PTPN2: variants seen among roughly 807,000 people sequenced by gnomAD.
PTPN2 encodes protein tyrosine phosphatase non-receptor type 2, also known as tyrosine-protein phosphatase non-receptor type 2.
PTPN2 carries 19 observed loss-of-function variants against 57.3 expected under a neutral mutation model. The ratio of observed to expected loss-of-function variants is 0.33; its 90% CI spans 0.23 to 0.49. The LOEUF (loss-of-function observed/expected upper bound fraction) is 0.49. Among genes scored for constraint, PTPN2 ranks in the 20% least tolerant of loss-of-function variants. The pLI is 0.99. For missense variants in PTPN2, 358 were observed against 501.1 expected (o/e 0.71, Z 2.73); for synonymous variants, 153 against 164.9 (o/e 0.93, Z 0.55).
rs1218040727 is a variant in PTPN2, at chr18:12,801,952, T to C, written c.1040+18A>G. 1.9e-6 allele frequency: 3 copies of C among 1,558,278 alleles called. No homozygotes were observed. The African/African-American group carries it at 4.2e-5, about 22-fold the overall frequency. ...TAAAAAAGCCTCATCTTTCAGCCTG[T>C]AGTTATAGAAAGCTTACCTCTCACT... is the stretch of plus-strand genomic sequence containing the variant. On this transcript the variant is annotated intron_variant, in intron 8 of 8. Coordinates refer to ENST00000309660, the MANE Select transcript of PTPN2 (RefSeq NM_002828.4).
intron 9 of PTPN2, chr18:12,786,911 A>G (rs748551682): frequency 6.6e-6 from 1 of 152,198 alleles, no homozygotes; most frequent in Non-Finnish European, 1.5e-5. Flanking sequence ...TGAGCCCACA[A>G]CTACTATGGG....
intron 7 of PTPN2, among the ~76,000 whole-genome samples, chr18:12,812,048 A>AGG (rs2145294807): frequency 6.6e-6 from 1 of 152,360 alleles, no homozygotes; most frequent in African/African-American, 2.4e-5. Context: ...ATTACCAGCT[A>AGG]GAGATCTTAC....
intron 1 of PTPN2, among the ~76,000 whole-genome samples, chr18:12,881,171 A>C (rs139628128): frequency 6.6e-6 from 1 of 152,206 alleles, no homozygotes; most frequent in Admixed American, 6.5e-5. Flanking sequence ...GCAGTGGCTC[A>C]TGCCTGTAAT....
intron 7 of PTPN2, among the ~76,000 whole-genome samples, chr18:12,806,089 A>G (rs2041640027): frequency 6.6e-6 from 1 of 152,170 alleles, no homozygotes; most frequent in Non-Finnish European, 1.5e-5. Context: ...AGACTCTACC[A>G]AAAAACTGTT....
chr18:12,870,355 A>ACG lies in PTPN2; in HGVS notation c.70-11102_70-11101insCG, dbSNP rs1568168897. 8.9e-4 allele frequency among the ~76,000 whole-genome samples: 43 copies of ACG among 48,418 alleles called. 1 individual carries two copies. The highest frequency in any genetic ancestry group is 2.7e-3 in the East Asian group (2 of 732). 31.8% of individuals were successfully genotyped at this position (48,418 alleles called of 152,430 possible). On this transcript the variant is annotated intron_variant, in intron 1 of 8. Coordinates refer to ENST00000309660, the MANE Select transcript of PTPN2 (RefSeq NM_002828.4). The stretch of plus-strand genomic sequence containing the variant: ...TGTATATATATACATATATATGTGT[A>ACG]TATATATGTGTATATATACATATAT...
At chr18:12,806,889 G>A (rs1238076246) in intron 7 of PTPN2, among the ~76,000 whole-genome samples, 1 of 152,068 alleles carries the variant, frequency 6.6e-6, no homozygotes, top group African/African-American at 2.4e-5. Context: ...TCTGGGCAAG[G>A]GAAGGGTCTT....
chr18:12,858,443 C>A (rs1023327183), intron 2 of PTPN2, among the ~76,000 whole-genome samples: 2 of 152,180 alleles, frequency 1.3e-5, no homozygotes, highest in Admixed American at 1.3e-4. Flanking sequence ...TAATTGTTCA[C>A]ACAATTGTGT....
At chr18:12,873,954 G>A (rs1338439459) in intron 1 of PTPN2, among the ~76,000 whole-genome samples, 1 of 151,022 alleles carries the variant, frequency 6.6e-6, no homozygotes, top group Non-Finnish European at 1.5e-5. Context: ...CGTCTGGGAG[G>A]TGAGGAGCGT....
intron 2 of PTPN2, among the ~76,000 whole-genome samples, chr18:12,857,596 C>T (rs1394244191): frequency 6.6e-6 from 1 of 152,174 alleles, no homozygotes. Flanking sequence ...CTCATGGTAA[C>T]ATTAGAGAAT....
rs1266773716 is a variant in PTPN2 at position 12,818,097 on chromosome 18, G to A, written c.496-732C>T. Among the ~76,000 whole-genome samples the A allele has an allele frequency of 4.6e-5, 7 of 152,094 alleles. No individual in the cohort carries two copies. The East Asian group carries it at 5.8e-4, about 13-fold the overall frequency. Reference sequence around the variant, plus strand: ...GTGGAGGTTGCAGTGAGCAGAGATCGTGCCATTGCACGCCAGCTTGGGCAA... The same window carrying A: ...GTGGAGGTTGCAGTGAGCAGAGATCATGCCATTGCACGCCAGCTTGGGCAA... On this transcript the variant is annotated intron_variant, in intron 5 of 8. Transcript: ENST00000309660.
intron 1 of PTPN2, among the ~76,000 whole-genome samples, chr18:12,868,366 T>C (rs1249845138): frequency 6.6e-6 from 1 of 151,928 alleles, no homozygotes; most frequent in African/African-American, 2.4e-5. Context: ...TGAATTCTCC[T>C]GCCTCAGCCT....
At chr18:12,858,954 G>A (rs2043693202) in intron 2 of PTPN2, among the ~76,000 whole-genome samples, 1 of 152,286 alleles carries the variant, frequency 6.6e-6, no homozygotes, top group East Asian at 1.9e-4. Context: ...CAAAATAATG[G>A]TGCCTATGTT....
At position 12,849,626 on chromosome 18, in the gene PTPN2, AAC is replaced by A. The variant is rs201086817; in HGVS notation, c.160+9536_160+9537del. 4.3e-4 allele frequency among the ~76,000 whole-genome samples: 66 copies of A among 152,348 alleles called. No homozygotes were observed. In the East Asian group the frequency reaches 9.8e-3, roughly 23 times the overall value. The stretch of plus-strand genomic sequence containing the variant: ...TAGCTACCCTTACATTCCTGAAATA[AAC>A]TTAATGTGAACATAATGTATTATCT... On this transcript the variant is annotated intron_variant, in intron 2 of 8. Transcript: ENST00000309660.
intron 1 of PTPN2, among the ~76,000 whole-genome samples, chr18:12,870,455 A>G (rs1458424383): frequency 1.6e-5 from 1 of 63,638 alleles, no homozygotes; most frequent in African/African-American, 1.0e-4. Context: ...ATATATATAT[A>G]TATATATAGA....
intron 1 of PTPN2, among the ~76,000 whole-genome samples, chr18:12,866,898 G>A (rs765147837): frequency 1.1e-4 from 16 of 151,940 alleles, no homozygotes; most frequent in East Asian, 1.9e-4. Context: ...CCAGCTACTC[G>A]GGACACTGAG....
chr18:12,814,151 T>C, intron 7 of PTPN2, 52 bp downstream of exon 7: 1 of 1,311,690 alleles, frequency 7.6e-7, no homozygotes, highest in Non-Finnish European at 1.1e-6. Flanking sequence ...AGTTATTTGA[T>C]GCTATGTGTA....
At chr18:12,849,486 G>A (rs1384863034) in intron 2 of PTPN2, among the ~76,000 whole-genome samples, 1 of 152,184 alleles carries the variant, frequency 6.6e-6, no homozygotes, top group Non-Finnish European at 1.5e-5. Context: ...TTGAACCCGG[G>A]AGGTGGAGGT....
At position 12,884,097 on chromosome 18, in the gene PTPN2, C is replaced by A. The variant is rs1466257016; in HGVS notation, c.45G>T (p.Gln15His). 1.9e-6 allele frequency: 3 copies of A among 1,585,678 alleles called. No homozygotes were observed. The highest frequency in any genetic ancestry group is 2.6e-6 in the Non-Finnish European group (3 of 1,167,680). ...CCAAGTACAGCGGCTGCCAGCGACG[C>A]TGAGTATCCAACTCTTCGAACTCCC... is the stretch of plus-strand genomic sequence containing the variant. ...IEREFEELDTQRRWQPLYLEI... is the reference protein window; with the variant it reads ...IEREFEELDTHRRWQPLYLEI... The change falls in exon 1 of 9, where the codon CAG becomes CAT. Residue 15 changes from glutamine (Q) to histidine (H), a missense_variant. Physicochemically the swap from Gln to His is conservative, Grantham distance 24. Coordinates refer to ENST00000309660, the MANE Select transcript of PTPN2 (RefSeq NM_002828.4).
intron 2 of PTPN2, chr18:12,840,980 C>A: frequency 7.0e-7 from 1 of 1,438,598 alleles, no homozygotes; most frequent in Non-Finnish European, 9.1e-7. Context: ...CAATCATACA[C>A]AATTTTTAGT....
Sources: gnomAD v4.1 joint callset for allele counts (sites outside exome capture counted in the v4.1 genomes callset) on GRCh38, gnomAD v4.1.1 for gene constraint, MANE v1.5 for transcripts, NCBI Gene and HGNC (gene_info 2026-07-23, HGNC 2026-07-21) for gene names.